HOOK2: variants seen among roughly 807,000 people sequenced by gnomAD.
The protein encoded by HOOK2 is hook microtubule tethering protein 2.
A neutral mutation model predicts 111.9 loss-of-function variants in HOOK2; 108 were observed. That is an observed-to-expected ratio of 0.96 (90% CI 0.83 to 1.13). HOOK2 has a LOEUF of 1.13. Ranked by LOEUF, HOOK2 falls within the 50% of genes most tolerant of loss-of-function variation. The probability of loss-of-function intolerance (pLI) is 0.00; values close to 1 mark genes in which losing one functional copy is unlikely to be tolerated. For missense variants in HOOK2, 978 were observed against 951.3 expected (o/e 1.03, Z -0.37); for synonymous variants, 405 against 394.3 (o/e 1.03, Z -0.32).
At chr19:12,765,569 G>A in intron 18 of HOOK2, 121 bp downstream of exon 18, 2 of 1,347,864 alleles carry the variant, frequency 1.5e-6, no homozygotes, top group Non-Finnish European at 2.1e-6. Flanking sequence ...CCAACATAGT[G>A]AAACCCCGTC....
chr19:12,784,845 G>C (rs1968641106), intron 3 of HOOK2: 1 of 152,202 alleles, frequency 6.6e-6, no homozygotes, highest in Admixed American at 6.6e-5. Flanking sequence ...GACAAACCTA[G>C]GGACAGAGAT....
At position 12,792,019 on chromosome 19, in the gene HOOK2, C is replaced by T. The variant is rs763730409; in HGVS notation, n.42-17794G>A. On this transcript the variant is annotated intron_variant and non_coding_transcript_variant, in intron 3 of 3. Coordinates refer to the HOOK2 transcript ENST00000589765. ...GACACCGGCGCGTCTCTCAAGCTCG[C>T]CTCTTCGGAGCTGGAACGCCTGATT... The T allele has an allele frequency of 2.4e-5, 38 of 1,611,596 alleles. 1 individual carries two copies. The East Asian group carries it at 7.8e-4, about 33-fold the overall frequency.
Position 12,768,136 on chromosome 19 carries a change from A to C in HOOK2, c.1105-13T>G. ...GCAGTTCCTGCACCTGAACACAGAG[A>C]GGGGAGGAATAAGGACAGCAGGGCT... On this transcript the variant is annotated splice_polypyrimidine_tract_variant and intron_variant, in intron 11 of 22. Transcript: ENST00000397668. The C allele has an allele frequency of 6.2e-7, 1 of 1,610,738 alleles. No homozygotes were observed. Among genetic ancestry groups the C allele is most frequent in the East Asian group, 2.2e-5 (1 of 44,872 alleles).
At position 12,786,603 on chromosome 19, in the gene HOOK2, G is replaced by C. The variant is rs1968659097; in HGVS notation, n.42-12378C>G. On this transcript the variant is annotated intron_variant and non_coding_transcript_variant, in intron 3 of 3. Coordinates refer to the HOOK2 transcript ENST00000589765. The surrounding 1 kb of genome is among the most constrained non-coding windows in gnomAD (Gnocchi z 4.3). ...ACGCTCAGGCCAGTTGGGGGAGGGG[G>C]CTGTTCTCCCACCCTCCTCGTGGGG... 7.9e-5 allele frequency among the ~76,000 whole-genome samples: 12 copies of C among 152,182 alleles called. No individual in the cohort carries two copies. Among genetic ancestry groups the C allele is most frequent in the Admixed American group, 7.8e-4 (12 of 15,288 alleles).
upstream of HOOK2, among the ~76,000 whole-genome samples, chr19:12,780,225 T>C (rs1287473406): frequency 6.6e-6 from 1 of 152,184 alleles, no homozygotes; most frequent in East Asian, 1.9e-4. Flanking sequence ...CCCCTGTGTA[T>C]CTCTGTATGG....
Position 12,763,044 on chromosome 19 carries a change from G to A in HOOK2, c.*238C>T. 1 of 513,444 alleles carries A rather than the reference G, an allele frequency of 1.9e-6. No homozygotes were observed. The highest frequency in any genetic ancestry group is 3.4e-6 in the Non-Finnish European group (1 of 292,818). 31.8% of individuals were successfully genotyped at this position (513,444 alleles called of 1,614,324 possible). A position where few individuals can be genotyped will look rare whatever the true frequency, so the allele number is the denominator to read the frequency against. On this transcript the variant is annotated 3_prime_UTR_variant, in exon 23 of 23. Coordinates refer to ENST00000397668, the MANE Select transcript of HOOK2 (RefSeq NM_013312.3). Reference sequence around the variant, plus strand: ...TATTTTTCTCAAATATAAAATCAGAGTCTCCTGAGGCAGCACATGAACTCC... The same window carrying A: ...TATTTTTCTCAAATATAAAATCAGAATCTCCTGAGGCAGCACATGAACTCC...
In HOOK2 at chr19:12,770,962, T is replaced by G. The variant is rs780877365; in HGVS notation, c.872A>C (p.Gln291Pro). ...QALTSLAQEA[Q>P]ALKDEMDELR... ...TTCATCCATCTCATCCTTCAGGGCC[T>G]GTGCCTCCTGGGCCAGGCTAGTCAG... The change falls in exon 10 of 23, where the codon CAG becomes CCG. Residue 291 changes from glutamine (Q) to proline (P), a missense_variant. By Grantham distance (76) the Gln-to-Pro change is moderately conservative. Transcript: ENST00000397668. 28 of 1,608,424 alleles carry G rather than the reference T, an allele frequency of 1.7e-5. No individual in the cohort carries two copies. The highest frequency in any genetic ancestry group is 2.0e-5 in the Non-Finnish European group (23 of 1,176,920).
At position 12,774,818 on chromosome 19, in the gene HOOK2, T is replaced by C. The variant is rs1363166209; in HGVS notation, c.125A>G (p.Asn42Ser). 3 of 1,614,150 alleles carry C rather than the reference T, an allele frequency of 1.9e-6. No individual in the cohort carries two copies. The South Asian group carries it at 3.3e-5, about 18-fold the overall frequency. ...SSGLAVAYVL[N>S]QIDPSWFNEA... ...CCCCTTCAGCTCCACTCACATCTGGTTCAGCACATAGGCTACGGCAAGGCC... is the reference window on the plus strand; with the variant it reads ...CCCCTTCAGCTCCACTCACATCTGGCTCAGCACATAGGCTACGGCAAGGCC... Residue 42 changes from asparagine to serine, a missense_variant, in exon 2 of 23, where the codon AAC becomes AGC. Around this residue, in one of 5 missense-constraint regions of HOOK2, gnomAD observed 301 missense variants for 286.1 expected, o/e 1.05. Coordinates refer to ENST00000397668, the MANE Select transcript of HOOK2 (RefSeq NM_013312.3).
Position 12,769,930 on chromosome 19 carries a change from A to C in HOOK2, c.1055T>G (p.Leu352Arg). 1 of 1,554,534 alleles carries C rather than the reference A, an allele frequency of 6.4e-7. No homozygotes were observed. The highest frequency in any genetic ancestry group is 8.6e-7 in the Non-Finnish European group (1 of 1,158,184). ...GGCGCGCAGGGAGCCCGCTCGGCGT[A>C]GCTCATCCTCCAGTTGTCGCGTGCG... is the stretch of plus-strand genomic sequence containing the variant. The part of the protein sequence containing the change: ...AERTRQLEDE[L>R]RRAGSLRAQL... Residue 352 changes from leucine (L) to arginine (R), a missense_variant, in exon 11 of 23, where the codon CTA becomes CGA. This residue lies in a region of HOOK2 where 388 missense variants were observed against 358.3 expected (regional missense o/e 1.08). Transcript: ENST00000397668.
intron 3 of HOOK2, among the ~76,000 whole-genome samples, chr19:12,784,105 CG>C (rs1968633671): frequency 6.6e-6 from 1 of 152,128 alleles, no homozygotes; most frequent in African/African-American, 2.4e-5. Flanking sequence ...GACTGTGTCT[CG>C]GGAACATCCT....
Position 12,769,954 on chromosome 19 carries a change from CGCTCGGCGTGGCCG to C in HOOK2, c.1017_1030del (p.Gly340HisfsTer7), listed in dbSNP as rs767276082. 6.4e-7 allele frequency: 1 copy of C among 1,556,714 alleles called. No homozygotes were observed. The highest frequency in any genetic ancestry group is 1.8e-5 in the Admixed American group (1 of 54,066). On this transcript the variant is annotated frameshift_variant, in exon 11 of 23. Transcript: ENST00000397668. LOFTEE classifies it high-confidence loss of function. ...TAGCTCATCCTCCAGTTGTCGCGTG[CGCTCGGCGTGGCCG>C]GCGTTGCGTTCCTCCAGCTGCCGCA... is the stretch of plus-strand genomic sequence containing the variant.
intron 3 of HOOK2, among the ~76,000 whole-genome samples, chr19:12,788,011 T>C (rs779924588): frequency 1.3e-4 from 20 of 152,118 alleles, no homozygotes; most frequent in Non-Finnish European, 2.5e-4. Context: ...GCCAACATCA[T>C]GCCATTGCAC....
upstream of HOOK2, among the ~76,000 whole-genome samples, chr19:12,780,420 G>C (rs1246306888): frequency 2.0e-5 from 3 of 151,444 alleles, no homozygotes; most frequent in African/African-American, 7.3e-5. Context: ...GCAGTGGAGC[G>C]ATCTCGGTTC....
rs1968108391 is a variant in HOOK2, at chr19:12,765,073, A to G, written c.1649T>C (p.Leu550Pro). Residue 550 changes from leucine to proline, a missense_variant, in exon 19 of 23, where the codon CTT becomes CCT. Leu to Pro is a moderately conservative substitution (Grantham distance 98). This residue lies in a region of HOOK2 where 277 missense variants were observed against 265.8 expected (regional missense o/e 1.04). Coordinates refer to ENST00000397668, the MANE Select transcript of HOOK2 (RefSeq NM_013312.3). ...KRKLEEHLQKLHEADLELQRK... is the reference protein window; with the variant it reads ...KRKLEEHLQKPHEADLELQRK... ...CTGCAACTCCAGATCTGCCTCATGAAGCTTCTGCCTGTGGGCCGGGGATGA... is the reference window on the plus strand; with the variant it reads ...CTGCAACTCCAGATCTGCCTCATGAGGCTTCTGCCTGTGGGCCGGGGATGA... 2 of 1,613,930 alleles carry G rather than the reference A, an allele frequency of 1.2e-6. No homozygotes were observed. The highest frequency in any genetic ancestry group is 2.7e-5 in the African/African-American group (2 of 74,864).
At chr19:12,770,818 G>T in intron 10 of HOOK2, 114 bp downstream of exon 10, 1 of 1,314,294 alleles carries the variant, frequency 7.6e-7, no homozygotes, top group South Asian at 1.4e-5. Context: ...GGGGCATATT[G>T]GGGGTTCACT....
In HOOK2 at chr19:12,791,455, T is replaced by G; in HGVS notation, n.42-17230A>C. The stretch of plus-strand genomic sequence containing the variant: ...GCACTTCCGTGGCTGACTAGCGCGG[T>G]ATAAAGGCGTGTGGCTCAGGCTGAG... On this transcript the variant is annotated intron_variant and non_coding_transcript_variant, in intron 3 of 3. Transcript: ENST00000589765. The surrounding 1 kb of genome is among the most constrained non-coding windows in gnomAD (Gnocchi z 7.0). 1.2e-5 allele frequency: 3 copies of G among 254,938 alleles called. No individual in the cohort carries two copies. The highest frequency in any genetic ancestry group is 2.3e-5 in the Non-Finnish European group (3 of 133,326). The allele number at this position is 254,938 out of a possible 1,614,324, so 15.8% of individuals were successfully genotyped here.
intron 6 of HOOK2, 73 bp from the exon 7 acceptor site, chr19:12,772,325 C>A: frequency 6.7e-7 from 1 of 1,487,564 alleles, no homozygotes; most frequent in Non-Finnish European, 9.4e-7. Flanking sequence ...ACTATCCAAC[C>A]TGAGAACCTC....
chr19:12,767,750 C>A, intron 13 of HOOK2, 66 bp downstream of exon 13: 1 of 1,453,748 alleles, frequency 6.9e-7, no homozygotes, highest in Non-Finnish European at 9.4e-7. Flanking sequence ...TGCACTGGGA[C>A]ACAACCTGTT....
rs751179343 is a variant in HOOK2, at chr19:12,791,807, C to T, written n.42-17582G>A. ...AAATGGAACAGCCCTTCTACCACGA[C>T]GACTCATACACAGCTACGGGATACG... On this transcript the variant is annotated intron_variant and non_coding_transcript_variant, in intron 3 of 3. Coordinates refer to the HOOK2 transcript ENST00000589765. This position sits in a 1 kb window ranked among gnomAD's most constrained non-coding sequence, Gnocchi z 7.0. 35 of 1,612,664 alleles carry T rather than the reference C, an allele frequency of 2.2e-5. No individual in the cohort carries two copies. Among genetic ancestry groups the T allele is most frequent in the Admixed American group, 2.0e-4 (12 of 59,838 alleles).
Sources: gnomAD v4.1 joint callset for allele counts (sites outside exome capture counted in the v4.1 genomes callset) on GRCh38, gnomAD v4.1.1 for gene constraint, gnomAD v4.1.1 regional missense constraint, Gnocchi (gnomAD v3.1) non-coding constraint, MANE v1.5 for transcripts, NCBI Gene and HGNC (gene_info 2026-07-23, HGNC 2026-07-21) for gene names.